PHKB: variants seen among roughly 807,000 people sequenced by gnomAD.
PHKB encodes phosphorylase kinase regulatory subunit beta, also known as phosphorylase b kinase regulatory subunit beta.
PHKB carries 122 observed loss-of-function variants against 152.1 expected under a neutral mutation model. The ratio of observed to expected loss-of-function variants is 0.80; its 90% CI spans 0.69 to 0.93. The LOEUF (loss-of-function observed/expected upper bound fraction) is 0.93, where lower values mean the gene tolerates loss of function less well. Ranked by LOEUF, PHKB falls within the 40% of genes least tolerant of loss-of-function variation. PHKB has a pLI of 0.00. For synonymous variants in PHKB, 436 were observed against 464.9 expected (o/e 0.94, Z 0.80); for missense variants, 1,304 against 1,328.4 (o/e 0.98, Z 0.29).
chr16:47,679,683 G>A (rs1289328551), intron 26 of PHKB, among the ~76,000 whole-genome samples: 2 of 152,158 alleles, frequency 1.3e-5, no homozygotes, highest in Admixed American at 6.6e-5. Context: ...AGACAATGGG[G>A]TTTTCTAGAT....
chr16:47,558,085 G>C (rs1295484456), intron 7 of PHKB, among the ~76,000 whole-genome samples: 1 of 150,982 alleles, frequency 6.6e-6, no homozygotes, highest in African/African-American at 2.4e-5. Flanking sequence ...TCCTTTGTAG[G>C]GACATGGATG....
At chr16:47,609,437 G>A (rs774905220) in intron 13 of PHKB, among the ~76,000 whole-genome samples, 31 of 123,628 alleles carry the variant, frequency 2.5e-4, no homozygotes, top group Non-Finnish European at 4.1e-4. Context: ...TCTTTTTTGT[G>A]GGTGGGGGGG....
intron 7 of PHKB, among the ~76,000 whole-genome samples, chr16:47,572,325 G>C (rs1282406176): frequency 6.6e-6 from 1 of 152,184 alleles, no homozygotes; most frequent in Non-Finnish European, 1.5e-5. Flanking sequence ...TACTCTTCCA[G>C]CTTCTTGTTA....
chr16:47,565,845 C>G (rs1470252599), intron 7 of PHKB: 1 of 1,317,280 alleles, frequency 7.6e-7, no homozygotes, highest in Non-Finnish European at 1.1e-6. Flanking sequence ...AGCAGCTTGA[C>G]TGGACTGGGA....
chr16:47,608,433 C>G (rs926204521), intron 13 of PHKB, among the ~76,000 whole-genome samples: 2 of 152,274 alleles, frequency 1.3e-5, no homozygotes, highest in Admixed American at 1.3e-4. Context: ...AATAAAAAAA[C>G]TTTTTTTGGC....
chr16:47,650,895 G>A lies in PHKB; in HGVS notation c.1945G>A (p.Val649Ile), dbSNP rs1973225848. ...AALKKGIIGG[V>I]KVHVDRLQTL... Reference sequence around the variant, plus strand: ...CCTTAAAAAAGGAATAATTGGAGGAGTCAAAGTTCATGTGGATCGTCTACA... The same window carrying A: ...CCTTAAAAAAGGAATAATTGGAGGAATCAAAGTTCATGTGGATCGTCTACA... The change falls in exon 20 of 31, where the codon GTC becomes ATC. Residue 649 changes from valine (V) to isoleucine (I), a missense_variant. Val to Ile is a conservative substitution (Grantham distance 29). Coordinates refer to ENST00000323584, the MANE Select transcript of PHKB (RefSeq NM_000293.3). 6.2e-7 allele frequency: 1 copy of A among 1,613,426 alleles called. No individual in the cohort carries two copies. The highest frequency in any genetic ancestry group is 8.5e-7 in the Non-Finnish European group (1 of 1,179,430).
chr16:47,508,809 T>A (rs1970461783), intron 4 of PHKB, among the ~76,000 whole-genome samples: 2 of 152,228 alleles, frequency 1.3e-5, no homozygotes, highest in Non-Finnish European at 2.9e-5. Context: ...GAGAACTTTT[T>A]GTTTGTAATT....
intron 6 of PHKB, among the ~76,000 whole-genome samples, chr16:47,516,758 T>C (rs1028940210): frequency 5.9e-5 from 9 of 152,132 alleles, no homozygotes; most frequent in African/African-American, 2.2e-4. Flanking sequence ...TAAATTCTAT[T>C]TAGAAGTGAA....
intron 7 of PHKB, among the ~76,000 whole-genome samples, chr16:47,553,895 G>T (rs991456526): frequency 6.6e-6 from 1 of 152,138 alleles, no homozygotes; most frequent in Admixed American, 6.5e-5. Context: ...ATTGCCACCT[G>T]TTTCTTCCTC....
intron 7 of PHKB, among the ~76,000 whole-genome samples, chr16:47,576,930 A>G (rs962830535): frequency 6.6e-6 from 1 of 151,964 alleles, no homozygotes; most frequent in African/African-American, 2.4e-5. Flanking sequence ...GGTGTATTTC[A>G]TGCTTTTAAA....
chr16:47,558,850 T>G (rs1971428177), intron 7 of PHKB, among the ~76,000 whole-genome samples: 1 of 152,226 alleles, frequency 6.6e-6, no homozygotes, highest in South Asian at 2.1e-4. Flanking sequence ...GTGCCCAGCC[T>G]TGTTTCTTTT....
chr16:47,515,941 T>A (rs920653695), intron 6 of PHKB, among the ~76,000 whole-genome samples: 1 of 151,920 alleles, frequency 6.6e-6, no homozygotes, highest in Non-Finnish European at 1.5e-5. Flanking sequence ...CTTTTTTTTT[T>A]TTTTTGAGAT....
At chr16:47,680,525 ATTTC>A (rs927948181) in intron 26 of PHKB, among the ~76,000 whole-genome samples, 3 of 152,070 alleles carry the variant, frequency 2.0e-5, no homozygotes, top group Non-Finnish European at 4.4e-5. Flanking sequence ...GAATTTATCC[ATTTC>A]TTCTAGATTT....
intron 1 of PHKB, among the ~76,000 whole-genome samples, chr16:47,467,501 T>C (rs992493947): frequency 5.3e-5 from 8 of 152,190 alleles, no homozygotes; most frequent in African/African-American, 1.7e-4. Flanking sequence ...TTAAAAGATA[T>C]TTTTGTCTCA....
At chr16:47,487,334 G>A (rs575434338) in intron 1 of PHKB, among the ~76,000 whole-genome samples, 6 of 152,188 alleles carry the variant, frequency 3.9e-5, no homozygotes, top group African/African-American at 1.2e-4. Context: ...CCTGTGATAG[G>A]TTTGAAATTG....
At chr16:47,674,312 G>T (rs1973689019) in intron 26 of PHKB, among the ~76,000 whole-genome samples, 4 of 152,178 alleles carry the variant, frequency 2.6e-5, no homozygotes, top group Non-Finnish European at 4.4e-5. Flanking sequence ...AAAATGGGAT[G>T]ATTCTAAGTT....
At chr16:47,639,340 G>A (rs72800674) in intron 14 of PHKB, among the ~76,000 whole-genome samples, 1 of 152,302 alleles carries the variant, frequency 6.6e-6, no homozygotes, top group Non-Finnish European at 1.5e-5. Context: ...GGTAAAAACA[G>A]AACAGATAGT....
intron 1 of PHKB, among the ~76,000 whole-genome samples, chr16:47,484,285 A>G (rs942388561): frequency 6.6e-6 from 1 of 152,152 alleles, no homozygotes; most frequent in African/African-American, 2.4e-5. Flanking sequence ...TATTATTTGG[A>G]TAAGTTGAAT....
At chr16:47,542,009 C>A (rs192483002) in intron 6 of PHKB, among the ~76,000 whole-genome samples, 2 of 152,170 alleles carry the variant, frequency 1.3e-5, no homozygotes, top group Admixed American at 1.3e-4. Flanking sequence ...AATTAGATAC[C>A]ATTTGTCTAT....
Sources: allele counts gnomAD v4.1 joint callset (sites outside exome capture counted in the v4.1 genomes callset), GRCh38; gene constraint gnomAD v4.1.1; transcripts MANE v1.5; gene names NCBI Gene and HGNC (gene_info 2026-07-23, HGNC 2026-07-21).